The following TP53BP2 variants were observed in gnomAD, a reference collection of about 807,000 sequenced individuals.
TP53BP2 encodes apoptosis-stimulating of p53 protein 2.
In TP53BP2, 62 loss-of-function variants were observed where a neutral mutation model predicts 126.2. The ratio of observed to expected loss-of-function variants is 0.49; its 90% CI spans 0.40 to 0.61. The LOEUF is 0.61. Among genes scored for constraint, TP53BP2 ranks in the 20% least tolerant of loss-of-function variants. The pLI is 0.00. For missense variants in TP53BP2, 1,215 were observed against 1,402.8 expected, an observed-to-expected ratio of 0.87 and a Z score of 2.14; for synonymous variants, 485 against 502.9, an observed-to-expected ratio of 0.96 and a Z score of 0.48.
intron 17 of TP53BP2, 54 bp from the exon 18 acceptor site, chr1:223,780,948 A>G: frequency 1.3e-6 from 2 of 1,527,214 alleles, no homozygotes; most frequent in Non-Finnish European, 1.8e-6. Flanking sequence ...TGGGAATATA[A>G]CAAAATTTCA....
At chr1:223,792,656 T>C (rs1291130092) in intron 14 of TP53BP2, 134 bp from the exon 15 acceptor site, 9 of 810,376 alleles carry the variant, frequency 1.1e-5, no homozygotes, top group South Asian at 8.7e-5. Flanking sequence ...TTAAAACCTA[T>C]AGGAGCCAAG....
rs901520476 is a variant in TP53BP2 at position 223,780,659 on chromosome 1, C to T, written c.*194G>A. 3.3e-6 allele frequency: 2 copies of T among 608,588 alleles called. No homozygotes were observed. The highest frequency in any genetic ancestry group is 3.0e-5 in the Admixed American group (1 of 32,996). 37.7% of individuals were successfully genotyped at this position (608,588 alleles called of 1,614,324 possible). A position where few individuals can be genotyped will look rare whatever the true frequency, so the allele number is the denominator to read the frequency against. On this transcript the variant is annotated 3_prime_UTR_variant, in exon 18 of 18. Transcript: ENST00000343537. ...ACAGTATGGCCTGCTGACGTAGATGCTTTATTTCATCACGCTAAATGTCCT... is the reference window on the plus strand; with the variant it reads ...ACAGTATGGCCTGCTGACGTAGATGTTTTATTTCATCACGCTAAATGTCCT...
rs574263959 is a variant in TP53BP2 at position 223,835,361 on chromosome 1, T to G, written c.27+10293A>C. Among the ~76,000 whole-genome samples the G allele has an allele frequency of 6.6e-5, 10 of 152,320 alleles. No individual in the cohort carries two copies. In the South Asian group the frequency reaches 1.9e-3, roughly 28 times the overall value. ...TCTTAGGTTACTCTGCTTCAATATC[T>G]GTCATAAACAATCAATGTATAAAGC... On this transcript the variant is annotated intron_variant, in intron 1 of 17. Coordinates refer to ENST00000343537, the MANE Select transcript of TP53BP2 (RefSeq NM_001031685.3).
intron 14 of TP53BP2, 40 bp downstream of exon 14, chr1:223,793,263 C>CT: frequency 6.8e-7 from 1 of 1,461,630 alleles, no homozygotes; most frequent in Admixed American, 2.4e-5. Context: ...CAGAGCGAGA[C>CT]TCTGACTCAA....
rs201484189 is a variant in TP53BP2 at position 223,844,075 on chromosome 1, GTTTTT to G, written c.27+1574_27+1578del. ...TACAGATGATGAAACTGAGGGACAA[GTTTTT>G]TTTAAGTGGCTACGTCACTAAAGGT... On this transcript the variant is annotated intron_variant, in intron 1 of 17. Coordinates refer to ENST00000343537, the MANE Select transcript of TP53BP2 (RefSeq NM_001031685.3). 2.0e-5 allele frequency among the ~76,000 whole-genome samples: 3 copies of G among 152,092 alleles called. No individual in the cohort carries two copies. The South Asian group carries it at 6.2e-4, about 32-fold the overall frequency.
At position 223,784,232 on chromosome 1, in the gene TP53BP2, C is replaced by T. The variant is rs1661874612; in HGVS notation, c.3246G>A (p.Leu1082=). The T allele has an allele frequency of 3.7e-6, 6 of 1,614,052 alleles. No homozygotes were observed. The East Asian group carries it at 1.3e-4, about 36-fold the overall frequency. ...TCATGCAGTCTCCTTCTTTCATGGG[C>T]AGCTCATCATCATTCTGAGGTTCAT... ...WDYEPQNDDE[L]PMKEGDCMTI... is the part of the protein sequence containing the mutation. Residue 1082 remains leucine (L), a synonymous_variant, in exon 17 of 18, where the codon CTG becomes CTA. Transcript: ENST00000343537.
At chr1:223,845,601 C>T in intron 1 of TP53BP2, 53 bp downstream of exon 1, 1 of 1,515,466 alleles carries the variant, frequency 6.6e-7, no homozygotes, top group Non-Finnish European at 8.8e-7. Context: ...CAGCCCCCGG[C>T]ACGCGACCCC....
At chr1:223,784,662 G>A (rs549130844) in intron 16 of TP53BP2, among the ~76,000 whole-genome samples, 1 of 152,104 alleles carries the variant, frequency 6.6e-6, no homozygotes, top group Non-Finnish European at 1.5e-5. Flanking sequence ...TTAAAAAAGT[G>A]AACGATATGC....
chr1:223,844,796 T>G (rs997575569), intron 1 of TP53BP2, among the ~76,000 whole-genome samples: 1 of 152,210 alleles, frequency 6.6e-6, no homozygotes, highest in Non-Finnish European at 1.5e-5. Context: ...AAGCTTTTTG[T>G]TTCTTTGTCT....
chr1:223,813,562 G>A (rs973657302), intron 3 of TP53BP2, among the ~76,000 whole-genome samples: 2 of 151,956 alleles, frequency 1.3e-5, no homozygotes, highest in Admixed American at 1.3e-4. Context: ...CTGTCCCACT[G>A]AACTCCCATT....
chr1:223,791,543 G>A (rs937390728), intron 15 of TP53BP2, among the ~76,000 whole-genome samples: 1 of 152,186 alleles, frequency 6.6e-6, no homozygotes. Flanking sequence ...ACACAGTCAC[G>A]CGGTAGAGTA....
Position 223,796,590 on chromosome 1 carries a change from A to C in TP53BP2, c.1949T>G (p.Val650Gly). 1 of 1,552,918 alleles carries C rather than the reference A, an allele frequency of 6.4e-7. No homozygotes were observed. The highest frequency in any genetic ancestry group is 1.2e-5 in the South Asian group (1 of 83,346). The part of the protein sequence containing the change: ...THTRGPHFSS[V>G]YGKPVIAAAQ... ...AGCAGCAATTACAGGCTTACCATAT[A>C]CTAATTGGAAAAGGAAAAAAAAAAG... The change falls in exon 13 of 18, where the codon GTA (valine) becomes GGA (glycine). Residue 650 changes from valine (V) to glycine (G), a missense_variant and splice_region_variant. This residue lies in a region of TP53BP2 where 814 missense variants were observed against 853.0 expected (regional missense o/e 0.95). Transcript: ENST00000343537. The surrounding 1 kb of genome is among the most constrained non-coding windows in gnomAD (Gnocchi z 4.2).
chr1:223,799,022 A>G (rs1430930508), intron 11 of TP53BP2, among the ~76,000 whole-genome samples: 5 of 152,262 alleles, frequency 3.3e-5, no homozygotes, highest in Non-Finnish European at 7.3e-5. Flanking sequence ...TAGTGAGCTA[A>G]GATTGCACCA....
intron 9 of TP53BP2, among the ~76,000 whole-genome samples, chr1:223,801,274 C>A (rs1280105865): frequency 6.6e-6 from 1 of 152,220 alleles, no homozygotes; most frequent in Admixed American, 6.5e-5. Flanking sequence ...TCAAAAGCCA[C>A]TGCTTTCATT....
chr1:223,783,722 A>G (rs926306469), intron 17 of TP53BP2, among the ~76,000 whole-genome samples: 1 of 152,202 alleles, frequency 6.6e-6, no homozygotes, highest in African/African-American at 2.4e-5. Flanking sequence ...CTTGCTTTTT[A>G]TGAAATATAA....
In TP53BP2 at chr1:223,784,241, A is replaced by G. The variant is rs377766119; in HGVS notation, c.3237T>C (p.Asp1079=). ...YALWDYEPQN[D]DELPMKEGDC... ...CTCCTTCTTTCATGGGCAGCTCATC[A>G]TCATTCTGAGGTTCATAATCCCAAA... Residue 1079 remains aspartate (D), a synonymous_variant, in exon 17 of 18, where the codon GAT becomes GAC. Coordinates refer to ENST00000343537, the MANE Select transcript of TP53BP2 (RefSeq NM_001031685.3). The G allele has an allele frequency of 4.3e-6, 7 of 1,614,024 alleles. No homozygotes were observed. In the African/African-American group the frequency reaches 9.3e-5, roughly 22 times the overall value.
chr1:223,842,695 T>C (rs1211161460), intron 1 of TP53BP2, among the ~76,000 whole-genome samples: 1 of 152,254 alleles, frequency 6.6e-6, no homozygotes, highest in Non-Finnish European at 1.5e-5. Context: ...CATTTTTGTT[T>C]TGAGCATAAC....
chr1:223,825,059 GC>G (rs1213646412), intron 1 of TP53BP2, among the ~76,000 whole-genome samples: 1 of 121,438 alleles, frequency 8.2e-6, no homozygotes, highest in East Asian at 2.3e-4. Context: ...ACACACCCTA[GC>G]CCATTCTTCT....
intron 15 of TP53BP2, among the ~76,000 whole-genome samples, chr1:223,790,533 G>C (rs977625929): frequency 3.3e-5 from 5 of 151,550 alleles, no homozygotes; most frequent in African/African-American, 4.9e-5. Context: ...CTCCGGCCTG[G>C]GTGACAGAAT....
Sources: gnomAD v4.1 joint callset for allele counts (sites outside exome capture counted in the v4.1 genomes callset) on GRCh38, gnomAD v4.1.1 for gene constraint, gnomAD v4.1.1 regional missense constraint, Gnocchi (gnomAD v3.1) non-coding constraint, MANE v1.5 for transcripts, NCBI Gene and HGNC (gene_info 2026-07-23, HGNC 2026-07-21) for gene names.